CNN3: variants seen among roughly 807,000 people sequenced by gnomAD.
CNN3 encodes calponin 3, also known as calponin-3.
Under a neutral mutation model 39.0 loss-of-function variants are expected in CNN3, and 11 were observed. That is an observed-to-expected ratio of 0.28 (90% confidence interval 0.18 to 0.47). The LOEUF (loss-of-function observed/expected upper bound fraction) is 0.47. Ranked by LOEUF, CNN3 falls within the 20% of genes least tolerant of loss-of-function variation. CNN3 has a pLI of 0.99. For missense variants in CNN3, 266 were observed against 403.4 expected (o/e 0.66, Z 2.92); for synonymous variants, 101 against 138.3 (o/e 0.73, Z 1.89).
intron 1 of CNN3, among the ~76,000 whole-genome samples, chr1:94,909,647 G>C (rs1033570210): frequency 6.6e-6 from 1 of 152,150 alleles, no homozygotes; most frequent in African/African-American, 2.4e-5. Flanking sequence ...GCAGACACTA[G>C]AGCAGATACA....
chr1:94,903,388 A>G lies in CNN3; in HGVS notation c.179+15T>C, dbSNP rs900896675. The G allele has an allele frequency of 1.3e-6, 2 of 1,568,014 alleles. No individual in the cohort carries two copies. The highest frequency in any genetic ancestry group is 1.9e-5 in the Admixed American group (1 of 52,994). ...CTGGAAGAGCAGAAACAGATTCTGG[A>G]GGGCTGTAACTCACTCGCAGAGGAT... On this transcript the variant is annotated intron_variant, in intron 2 of 6. Coordinates refer to ENST00000370206, the MANE Select transcript of CNN3 (RefSeq NM_001839.5).
At position 94,907,463 on chromosome 1, in the gene CNN3, C is replaced by T. The variant is rs545921114; in HGVS notation, c.58-3939G>A. 2.8e-4 allele frequency among the ~76,000 whole-genome samples: 42 copies of T among 152,282 alleles called. No homozygotes were observed. The East Asian group carries it at 7.0e-3, about 25-fold the overall frequency. On this transcript the variant is annotated intron_variant, in intron 1 of 6. Transcript: ENST00000370206. ...AATTTCTCAACATCTGGCAGAAAAA[C>T]GCTGACATTTTCTTTCTCTCAACAA...
intron 1 of CNN3, among the ~76,000 whole-genome samples, chr1:94,907,730 G>T (rs900387629): frequency 6.6e-6 from 1 of 152,168 alleles, no homozygotes; most frequent in Non-Finnish European, 1.5e-5. Context: ...TGTGGTGGCG[G>T]GCGCCTGTAG....
intron 1 of CNN3, among the ~76,000 whole-genome samples, chr1:94,913,799 G>A (rs544909837): frequency 6.6e-6 from 1 of 152,280 alleles, no homozygotes; most frequent in East Asian, 1.9e-4. Context: ...ACAGGCCAGG[G>A]AAATATATGG....
At chr1:94,920,738 C>T (rs1671420876) in intron 1 of CNN3, among the ~76,000 whole-genome samples, 1 of 152,182 alleles carries the variant, frequency 6.6e-6, no homozygotes, top group Non-Finnish European at 1.5e-5. Flanking sequence ...CTGACAAGAA[C>T]CTTGTATGAC....
intron 1 of CNN3, among the ~76,000 whole-genome samples, chr1:94,916,241 C>T (rs896894819): frequency 6.6e-6 from 1 of 152,096 alleles, no homozygotes; most frequent in Non-Finnish European, 1.5e-5. Context: ...CCTGTCTCTA[C>T]GAAAAATACA....
At chr1:94,907,212 T>C (rs17112728) in intron 1 of CNN3, among the ~76,000 whole-genome samples, 14,691 of 152,190 alleles carry the variant, frequency 0.097, 1,484 homozygotes, top group East Asian at 0.48. Flanking sequence ...AGACTAGGAA[T>C]GCAGCCACAT....
chr1:94,918,890 CAAAAA>C (rs35284184), intron 1 of CNN3, among the ~76,000 whole-genome samples: 1 of 102,762 alleles, frequency 9.7e-6, no homozygotes, highest in African/African-American at 4.0e-5. Flanking sequence ...AAGACTGTCT[CAAAAA>C]AAAAAAAAAA....
At chr1:94,921,173 T>C (rs146745409) in intron 1 of CNN3, among the ~76,000 whole-genome samples, 1,645 of 152,284 alleles carry the variant, frequency 0.011, 11 homozygotes, top group Non-Finnish European at 0.017. Flanking sequence ...GCAGGTGTTA[T>C]CACTTGAGGT....
At chr1:94,924,103 T>C (rs1199904115) in intron 1 of CNN3, 1 of 152,250 alleles carries the variant, frequency 6.6e-6, no homozygotes, top group African/African-American at 2.4e-5. Flanking sequence ...GTATCAATTA[T>C]GCAATAAAGA....
chr1:94,901,905 T>G (rs1670878109), intron 4 of CNN3, 120 bp from the exon 5 acceptor site: 1 of 738,934 alleles, frequency 1.4e-6, no homozygotes, highest in Non-Finnish European at 2.3e-6. Context: ...TATTTAAGGC[T>G]GTTCAATAAT....
chr1:94,910,902 C>T (rs1671144160), intron 1 of CNN3, among the ~76,000 whole-genome samples: 1 of 152,234 alleles, frequency 6.6e-6, no homozygotes, highest in African/African-American at 2.4e-5. Context: ...CCACTGCAGA[C>T]AGGCTCACCT....
chr1:94,901,569 A>C, intron 5 of CNN3, 100 bp downstream of exon 5: 2 of 740,172 alleles, frequency 2.7e-6, no homozygotes, highest in East Asian at 2.8e-5. Context: ...CCCCAGTACT[A>C]TAGTACTTCT....
chr1:94,899,302 C>G (rs1194453906), intron 6 of CNN3, 69 bp downstream of exon 6: 1 of 1,484,610 alleles, frequency 6.7e-7, no homozygotes, highest in Non-Finnish European at 9.0e-7. Context: ...AAAATACCTA[C>G]TTTAAACTTC....
chr1:94,908,976 C>A (rs529064350), intron 1 of CNN3, among the ~76,000 whole-genome samples: 2 of 58,648 alleles, frequency 3.4e-5, no homozygotes, highest in South Asian at 9.9e-4. Context: ...GAGCCCGTCT[C>A]TTTAAAAAAA....
At chr1:94,907,510 T>C (rs1382057938) in intron 1 of CNN3, among the ~76,000 whole-genome samples, 1 of 152,212 alleles carries the variant, frequency 6.6e-6, no homozygotes, top group East Asian at 1.9e-4. Flanking sequence ...CTTAAAATAA[T>C]TGCTTAAACT....
rs141237478 is a variant in CNN3 at position 94,897,863 on chromosome 1, G to C, written c.869C>G (p.Thr290Arg). The change falls in exon 7 of 7, where the codon ACA (threonine) becomes AGA (arginine). Residue 290 changes from threonine (T) to arginine (R), a missense_variant. Coordinates refer to ENST00000370206, the MANE Select transcript of CNN3 (RefSeq NM_001839.5). ...VIHNGSQGTG[T>R]NGSEISDSDY... ...ACTATCACTGATTTCCGAACCATTT[G>C]TTCCTGTTCCTTGGCTTCCGTTGTG... The C allele has an allele frequency of 6.2e-7, 1 of 1,614,000 alleles. No homozygotes were observed. Among genetic ancestry groups the C allele is most frequent in the Non-Finnish European group, 8.5e-7 (1 of 1,180,000 alleles).
In CNN3 at chr1:94,899,470, C is replaced by T. The variant is rs752005496; in HGVS notation, c.549G>A (p.Gly183=). Residue 183 remains glycine, a synonymous_variant, in exon 6 of 7, where the codon GGG becomes GGA. Coordinates refer to ENST00000370206, the MANE Select transcript of CNN3 (RefSeq NM_001839.5). ...TGGGATCATAAAGATGCCTCCTAGT[C>T]CCGTAAGCTGTCATACCTGCCTGGC... The part of the protein sequence containing the change: ...CASQAGMTAY[G]TRRHLYDPKM... 6.2e-7 allele frequency: 1 copy of T among 1,614,012 alleles called. No homozygotes were observed.
At chr1:94,912,734 C>T (rs1343088322) in intron 1 of CNN3, among the ~76,000 whole-genome samples, 1 of 152,228 alleles carries the variant, frequency 6.6e-6, no homozygotes, top group Non-Finnish European at 1.5e-5. Flanking sequence ...TATCTTGTTT[C>T]GGAAAGGCAT....
Sources: allele counts gnomAD v4.1 joint callset (sites outside exome capture counted in the v4.1 genomes callset), GRCh38; gene constraint gnomAD v4.1.1; transcripts MANE v1.5; gene names NCBI Gene and HGNC (gene_info 2026-07-23, HGNC 2026-07-21).